PDE4D: variants seen among roughly 807,000 people sequenced by gnomAD.
PDE4D encodes the protein 3',5'-cyclic-AMP phosphodiesterase 4D.
Under a neutral mutation model 87.4 loss-of-function variants are expected in PDE4D, and 24 were observed. That is an observed-to-expected ratio of 0.27 (90% CI 0.20 to 0.39). The LOEUF is 0.39. PDE4D is among the 10% of genes least tolerant of loss of function. The pLI, the probability that PDE4D is intolerant of heterozygous loss-of-function variation, is 1.00. For missense variants in PDE4D, 714 were observed against 1,041.0 expected, an observed-to-expected ratio of 0.69 and a Z score of 4.32; for synonymous variants, 384 against 383.2, an observed-to-expected ratio of 1.00 and a Z score of -0.02.
At chr5:60,343,646 T>G (rs1758496966) in intron 1 of PDE4D, among the ~76,000 whole-genome samples, 1 of 152,124 alleles carries the variant, frequency 6.6e-6, no homozygotes, top group Non-Finnish European at 1.5e-5. Flanking sequence ...GACTTCTGGC[T>G]GTGTTTGGCT....
At chr5:59,332,008 T>C (rs1002737819) in intron 1 of PDE4D, among the ~76,000 whole-genome samples, 2 of 152,198 alleles carry the variant, frequency 1.3e-5, no homozygotes, top group African/African-American at 4.8e-5. Context: ...CCTTTCTCTG[T>C]GGGTTTCCCA....
chr5:60,494,718 C>A (rs1373239785), intron 1 of PDE4D, among the ~76,000 whole-genome samples: 1 of 152,164 alleles, frequency 6.6e-6, no homozygotes, highest in Non-Finnish European at 1.5e-5. Context: ...AATGGTCCTG[C>A]TATCTTCCAA....
intron 1 of PDE4D, among the ~76,000 whole-genome samples, chr5:60,226,829 C>T (rs1745166561): frequency 7.1e-6 from 1 of 140,372 alleles, no homozygotes; most frequent in South Asian, 2.4e-4. Context: ...TTAATTTCTA[C>T]ACATCACACA....
exon 3 of PDE4D, chr5:59,988,634 T>C: frequency 1.3e-6 from 2 of 1,599,382 alleles, no homozygotes; most frequent in African/African-American, 1.3e-5. Flanking sequence ...TATTGCGACA[T>C]GAAAGTCTCC....
chr5:60,468,130 C>CTT (rs370784270), intron 1 of PDE4D, among the ~76,000 whole-genome samples: 2 of 126,210 alleles, frequency 1.6e-5, no homozygotes, highest in African/African-American at 6.1e-5. Flanking sequence ...AACTTTCTTT[C>CTT]TTTTTTCTTT....
intron 1 of PDE4D, among the ~76,000 whole-genome samples, chr5:60,253,278 G>A (rs1199906858): frequency 2.0e-5 from 3 of 151,840 alleles, no homozygotes; most frequent in African/African-American, 7.3e-5. Context: ...ATTTTTAGAT[G>A]TTTTCTCTCT....
At chr5:59,400,909 T>C (rs392901) in intron 1 of PDE4D, among the ~76,000 whole-genome samples, 51,269 of 152,022 alleles carry the variant, frequency 0.34, 9,138 homozygotes, top group East Asian at 0.4. Context: ...GTATGTTACA[T>C]AAATATGCAT....
At chr5:59,627,736 T>G (rs754687664) in intron 1 of PDE4D, among the ~76,000 whole-genome samples, 1 of 152,250 alleles carries the variant, frequency 6.6e-6, no homozygotes, top group African/African-American at 2.4e-5. Context: ...TGGTTTTTAC[T>G]GCCAACAATG....
Position 60,155,085 on chromosome 5 carries a change from G to A in PDE4D, c.42+30472C>T, listed in dbSNP as rs116215443. ...CTTGTATAGTCTTTTATGAAAAGTT[G>A]CATGCAATTCTGTTTGAGATACATC... On this transcript the variant is annotated intron_variant, in intron 2 of 16. Coordinates refer to the PDE4D transcript ENST00000502484. Among the ~76,000 whole-genome samples the A allele has an allele frequency of 7.4e-3, 1,124 of 152,232 alleles. 11 individuals carry two copies. Among genetic ancestry groups the A allele is most frequent in the African/African-American group, 0.026 (1,070 of 41,534 alleles).
intron 1 of PDE4D, among the ~76,000 whole-genome samples, chr5:59,855,603 A>T (rs1233219269): frequency 6.6e-6 from 1 of 152,168 alleles, no homozygotes; most frequent in Admixed American, 6.6e-5. Context: ...TAAATATGAA[A>T]CATTCACAAT....
intron 1 of PDE4D, among the ~76,000 whole-genome samples, chr5:59,387,723 T>C (rs1403024431): frequency 6.6e-6 from 1 of 152,174 alleles, no homozygotes; most frequent in Non-Finnish European, 1.5e-5. Context: ...TACATAGATG[T>C]ATACATTGTG....
chr5:59,791,215 C>T (rs886654163), intron 1 of PDE4D, among the ~76,000 whole-genome samples: 4 of 152,198 alleles, frequency 2.6e-5, no homozygotes, highest in East Asian at 1.9e-4. Context: ...CTTAATACTT[C>T]GTAATGCATG....
At chr5:60,262,080 T>G (rs1258239765) in intron 1 of PDE4D, among the ~76,000 whole-genome samples, 1 of 152,194 alleles carries the variant, frequency 6.6e-6, no homozygotes, top group African/African-American at 2.4e-5. Context: ...ATAAGCAAGC[T>G]AAAGTCCTTC....
intron 1 of PDE4D, among the ~76,000 whole-genome samples, chr5:60,417,440 A>G (rs771536518): frequency 3.3e-5 from 5 of 152,256 alleles, no homozygotes; most frequent in Non-Finnish European, 7.3e-5. Flanking sequence ...AGAGCTTAGT[A>G]GTGCCAGTAG....
intron 5 of PDE4D, among the ~76,000 whole-genome samples, chr5:59,133,666 C>T (rs965641435): frequency 6.6e-6 from 1 of 152,172 alleles, no homozygotes; most frequent in Non-Finnish European, 1.5e-5. Flanking sequence ...TCCCAGTTTC[C>T]CAGGCATGCC....
At chr5:59,969,482 T>G (rs1289633750) in intron 3 of PDE4D, among the ~76,000 whole-genome samples, 1 of 152,196 alleles carries the variant, frequency 6.6e-6, no homozygotes, top group Non-Finnish European at 1.5e-5. Flanking sequence ...GAATGTTGTG[T>G]TCACCTGCTA....
chr5:59,885,933 A>G (rs903634595), intron 1 of PDE4D, among the ~76,000 whole-genome samples: 1 of 152,212 alleles, frequency 6.6e-6, no homozygotes, highest in African/African-American at 2.4e-5. Context: ...TTGAACATGA[A>G]TATGTGTCTA....
intron 2 of PDE4D, among the ~76,000 whole-genome samples, chr5:60,084,389 CGTGTGTGT>C (rs5868220): frequency 6.6e-6 from 1 of 151,322 alleles, no homozygotes; most frequent in African/African-American, 2.4e-5. Flanking sequence ...CGCATCTTAA[CGTGTGTGT>C]GTGTGTGTGC....
intron 3 of PDE4D, among the ~76,000 whole-genome samples, chr5:59,190,122 G>T (rs1445300571): frequency 2.6e-5 from 4 of 152,114 alleles, no homozygotes; most frequent in Non-Finnish European, 5.9e-5. Flanking sequence ...TTTTGGAGAT[G>T]GACTCAGGCA....
Sources: gnomAD v4.1 joint callset for allele counts (sites outside exome capture counted in the v4.1 genomes callset) on GRCh38, gnomAD v4.1.1 for gene constraint, MANE v1.5 for transcripts, NCBI Gene and HGNC (gene_info 2026-07-23, HGNC 2026-07-21) for gene names.